The following TRERF1 variants were observed in gnomAD, a reference collection of about 807,000 sequenced individuals.
TRERF1 encodes the protein transcriptional-regulating factor 1.
A neutral mutation model predicts 122.9 loss-of-function variants in TRERF1; 27 were observed. The ratio of observed to expected loss-of-function variants is 0.22; its 90% CI spans 0.16 to 0.30. The LOEUF is 0.30. Among genes scored for constraint, TRERF1 ranks in the 10% least tolerant of loss-of-function variants. The pLI is 1.00. For missense variants in TRERF1, 1,248 were observed against 1,560.3 expected (o/e 0.80, Z 3.37); for synonymous variants, 636 against 641.7 (o/e 0.99, Z 0.13).
intron 3 of TRERF1, among the ~76,000 whole-genome samples, chr6:42,306,257 C>A (rs1787223756): frequency 1.3e-5 from 2 of 152,110 alleles, no homozygotes; most frequent in Admixed American, 6.5e-5. Context: ...TTGCCTCAGC[C>A]TCCCAAAGTG....
At chr6:42,450,158 T>A (rs564585454) in intron 2 of TRERF1, among the ~76,000 whole-genome samples, 269 of 152,338 alleles carry the variant, frequency 1.8e-3, no homozygotes, top group Non-Finnish European at 2.8e-3. Context: ...ACTCCTGCTG[T>A]TATCCTCTCC....
intron 2 of TRERF1, among the ~76,000 whole-genome samples, chr6:42,434,857 G>A (rs1187362803): frequency 1.3e-5 from 2 of 152,174 alleles, no homozygotes; most frequent in Non-Finnish European, 2.9e-5. Flanking sequence ...GCCGGGTGTG[G>A]TGGCTCATGC....
At chr6:42,451,056 G>A (rs1012067016) in intron 2 of TRERF1, 121 bp downstream of exon 2, 8 of 152,036 alleles carry the variant, frequency 5.3e-5, no homozygotes, top group African/African-American at 1.9e-4. Flanking sequence ...AGTAAAGGGG[G>A]GGGAGACTTC....
intron 4 of TRERF1, among the ~76,000 whole-genome samples, chr6:42,295,907 G>T (rs1785027943): frequency 6.6e-6 from 1 of 152,170 alleles, no homozygotes. Context: ...ACATGTCTAG[G>T]TGTAATATAA....
intron 4 of TRERF1, among the ~76,000 whole-genome samples, chr6:42,287,592 C>A (rs906373977): frequency 7.9e-5 from 12 of 152,262 alleles, no homozygotes; most frequent in Admixed American, 4.6e-4. Context: ...GTCCCCCCTG[C>A]CCTAACTCCT....
chr6:42,243,110 C>T, intron 15 of TRERF1, 138 bp downstream of exon 15: 1 of 704,698 alleles, frequency 1.4e-6, no homozygotes, highest in Non-Finnish European at 2.5e-6. Flanking sequence ...CTGAATCCTG[C>T]AGGAGAGCTG....
In TRERF1 at chr6:42,269,002, T is replaced by G. The variant is rs773474861; in HGVS notation, c.589A>C (p.Ile197Leu). The G allele has an allele frequency of 6.2e-7, 1 of 1,613,494 alleles. No individual in the cohort carries two copies. The highest frequency in any genetic ancestry group is 8.5e-7 in the Non-Finnish European group (1 of 1,179,592). Residue 197 changes from isoleucine (I) to leucine (L), a missense_variant, in exon 5 of 18, where the codon ATC (isoleucine) becomes CTC (leucine). By Grantham distance (5) the Ile-to-Leu change is conservative. Coordinates refer to ENST00000372922, the Ensembl canonical transcript of TRERF1. The surrounding 1 kb of genome is among the most constrained non-coding windows in gnomAD (Gnocchi z 4.9). ...GGCACCTGCTGGTAGCGGGAAGGGATAGCCGGTGCTGGGGGCTCCATGGGC... is the reference window on the plus strand; with the variant it reads ...GGCACCTGCTGGTAGCGGGAAGGGAGAGCCGGTGCTGGGGGCTCCATGGGC...
Position 42,259,396 on chromosome 6 carries a change from G to A in TRERF1, c.2212C>T (p.Pro738Ser), listed in dbSNP as rs1182539776. The change falls in exon 9 of 18, where the codon CCG becomes TCG. Residue 738 changes from proline (P) to serine (S), a missense_variant. Coordinates refer to ENST00000372922, the Ensembl canonical transcript of TRERF1. This position sits in a 1 kb window ranked among gnomAD's most constrained non-coding sequence, Gnocchi z 4.9. ...GTCAGGGGCGTCAGGGGCAGCTGCGGGTGGGCGCCAGGGCCGTGGCCGGAG... is the reference window on the plus strand; with the variant it reads ...GTCAGGGGCGTCAGGGGCAGCTGCGAGTGGGCGCCAGGGCCGTGGCCGGAG... 1 of 1,531,636 alleles carries A rather than the reference G, an allele frequency of 6.5e-7. No individual in the cohort carries two copies. The highest frequency in any genetic ancestry group is 8.7e-7 in the Non-Finnish European group (1 of 1,149,040). The allele number at this position is 1,531,636 out of a possible 1,614,324, so 94.9% of individuals were successfully genotyped here.
intron 3 of TRERF1, among the ~76,000 whole-genome samples, chr6:42,323,244 G>A (rs1350357170): frequency 1.3e-5 from 2 of 150,754 alleles, no homozygotes; most frequent in Non-Finnish European, 2.9e-5. Flanking sequence ...TGTCGCCCAG[G>A]CTGGAGTGCA....
In TRERF1 at chr6:42,403,853, T is replaced by C. The variant is rs576725957; in HGVS notation, c.-453-40774A>G. ...CTGTTAGTGTCCTCCAGGGCTTCAT[T>C]GTCCACTGTCCATGCTTTCCCTGCC... is the stretch of plus-strand genomic sequence containing the variant. On this transcript the variant is annotated intron_variant, in intron 2 of 17. Coordinates refer to ENST00000372922, the Ensembl canonical transcript of TRERF1. 8.5e-5 allele frequency among the ~76,000 whole-genome samples: 13 copies of C among 152,266 alleles called. No individual in the cohort carries two copies. In the South Asian group the frequency reaches 1.7e-3, roughly 19 times the overall value.
Position 42,382,929 on chromosome 6 carries a change from G to A in TRERF1, c.-453-19850C>T, listed in dbSNP as rs77482888. 8.9e-3 allele frequency among the ~76,000 whole-genome samples: 1,358 copies of A among 152,202 alleles called. 11 individuals carry two copies. Among genetic ancestry groups the A allele is most frequent in the Admixed American group, 0.019 (292 of 15,290 alleles). ...ATTGCCAAGTGCCTCTTGGGGCTTG[G>A]GGGGTGGGGTGGGTGTGGGGCAAAA... On this transcript the variant is annotated intron_variant, in intron 2 of 17. Transcript: ENST00000372922.
chr6:42,225,487 G>A (rs1769392393), exon 18 of TRERF1: 1 of 151,700 alleles, frequency 6.6e-6, no homozygotes, highest in African/African-American at 2.4e-5. Flanking sequence ...CGTTACAAAA[G>A]AAAAATTATG....
chr6:42,423,316 C>T (rs544771074), intron 2 of TRERF1, among the ~76,000 whole-genome samples: 6 of 152,188 alleles, frequency 3.9e-5, no homozygotes, highest in African/African-American at 9.7e-5. Flanking sequence ...ATAAGAAGAG[C>T]GAAAGTGAGG....
intron 3 of TRERF1, among the ~76,000 whole-genome samples, chr6:42,316,529 T>G (rs1762528939): frequency 1.3e-5 from 2 of 152,170 alleles, no homozygotes; most frequent in African/African-American, 4.8e-5. Flanking sequence ...TTGCAAAGAT[T>G]ATGACAGTGA....
In TRERF1 at chr6:42,288,595, A is replaced by G. The variant is rs988620733; in HGVS notation, c.-259+12043T>C. Among the ~76,000 whole-genome samples, 1,006 of 111,544 alleles carry G rather than the reference A, an allele frequency of 9.0e-3. 7 individuals carry two copies. The highest frequency in any genetic ancestry group is 0.022 in the Middle Eastern group (5 of 226). 73.2% of individuals were successfully genotyped at this position (111,544 alleles called of 152,430 possible). ...AAACCAAAAAAAAAAAAAAAAAAAA[A>G]AGAGAGAGAGACGGGGTTGTGACCT... On this transcript the variant is annotated intron_variant, in intron 4 of 17. Coordinates refer to ENST00000372922, the Ensembl canonical transcript of TRERF1.
intron 16 of TRERF1, among the ~76,000 whole-genome samples, 199 bp downstream of exon 16, chr6:42,236,006 C>T (rs139801376): frequency 6.6e-6 from 1 of 152,338 alleles, no homozygotes; most frequent in East Asian, 1.9e-4. Flanking sequence ...CAACACGCAG[C>T]ATCATGCTTG....
intron 3 of TRERF1, among the ~76,000 whole-genome samples, chr6:42,327,956 T>C (rs1032153097): frequency 2.6e-5 from 4 of 151,834 alleles, no homozygotes; most frequent in African/African-American, 7.3e-5. Context: ...CACCTTATTA[T>C]GGTTTTCATG....
At chr6:42,446,267 T>C (rs540833738) in intron 2 of TRERF1, among the ~76,000 whole-genome samples, 1 of 152,288 alleles carries the variant, frequency 6.6e-6, no homozygotes, top group African/African-American at 2.4e-5. Flanking sequence ...ATGTAAACCT[T>C]TTCAAAGCCC....
At chr6:42,430,449 T>C (rs900755241) in intron 2 of TRERF1, among the ~76,000 whole-genome samples, 57 of 152,126 alleles carry the variant, frequency 3.7e-4, no homozygotes, top group African/African-American at 1.1e-3. Flanking sequence ...AGAGAAGAAA[T>C]AGAAAATGTT....
Sources: allele counts gnomAD v4.1 joint callset (sites outside exome capture counted in the v4.1 genomes callset), GRCh38; gene constraint gnomAD v4.1.1; non-coding constraint Gnocchi (gnomAD v3.1); transcripts MANE v1.5; gene names NCBI Gene and HGNC (gene_info 2026-07-23, HGNC 2026-07-21).